ANKRD31: variants seen among roughly 807,000 people sequenced by gnomAD.
ANKRD31 encodes ankyrin repeat domain-containing protein 31.
A neutral mutation model predicts 186.0 loss-of-function variants in ANKRD31; 147 were observed. That is an observed-to-expected ratio of 0.79 (90% confidence interval 0.69 to 0.91). The LOEUF is 0.91. Ranked by LOEUF, ANKRD31 falls within the 40% of genes least tolerant of loss-of-function variation. The pLI is 0.00. For synonymous variants in ANKRD31, 673 were observed against 736.4 expected, an observed-to-expected ratio of 0.91 and a Z score of 1.39; for missense variants, 1,986 against 2,148.8, an observed-to-expected ratio of 0.92 and a Z score of 1.50.
In ANKRD31 at chr5:75,195,720, C is replaced by G. The variant is rs1413840593; in HGVS notation, c.928G>C (p.Gly310Arg). The change falls in exon 7 of 26, where the codon GGA (glycine) becomes CGA (arginine). Residue 310 changes from glycine to arginine, a missense_variant. Physicochemically the swap from Gly to Arg is moderately radical, Grantham distance 125 (BLOSUM62 -2). Transcript: ENST00000506364. The stretch of plus-strand genomic sequence containing the variant: ...TTTCTGGCAATGAGACTGCTACCTC[C>G]CTCTTTTCTGTGACAGATGGTTTCC... Reference protein sequence around the residue: ...KVETICHRKEGGSSLIARNEC... With the variant: ...KVETICHRKERGSSLIARNEC... The G allele has an allele frequency of 1.3e-6, 2 of 1,537,396 alleles. No homozygotes were observed. The highest frequency in any genetic ancestry group is 2.7e-5 in the African/African-American group (2 of 73,016).
At chr5:75,182,989 A>G (rs1423591799) in intron 10 of ANKRD31, among the ~76,000 whole-genome samples, 2 of 152,200 alleles carry the variant, frequency 1.3e-5, no homozygotes, top group Non-Finnish European at 2.9e-5. Flanking sequence ...CCCCTGATGA[A>G]CACAGGGGCA....
chr5:75,123,460 CA>C (rs1436195172), intron 17 of ANKRD31, among the ~76,000 whole-genome samples: 1 of 151,794 alleles, frequency 6.6e-6, no homozygotes, highest in South Asian at 2.1e-4. Context: ...CATATGGAAC[CA>C]AAAAACAGTC....
intron 4 of ANKRD31, among the ~76,000 whole-genome samples, chr5:75,208,179 G>A (rs909444996): frequency 3.3e-5 from 5 of 152,048 alleles, no homozygotes; most frequent in Non-Finnish European, 7.4e-5. Context: ...CATTCAATCT[G>A]TTGCCATATA....
intron 10 of ANKRD31, among the ~76,000 whole-genome samples, chr5:75,178,299 C>G (rs1265682429): frequency 6.6e-6 from 1 of 152,094 alleles, no homozygotes; most frequent in Admixed American, 6.6e-5. Flanking sequence ...ACTTTAACAC[C>G]CCACTGTCAA....
At position 75,133,570 on chromosome 5, in the gene ANKRD31, A is replaced by T. The variant is rs534101471; in HGVS notation, c.3876+4286T>A. Among the ~76,000 whole-genome samples, 19 of 152,346 alleles carry T rather than the reference A, an allele frequency of 1.2e-4. No individual in the cohort carries two copies. The East Asian group carries it at 3.1e-3, about 25-fold the overall frequency. ...GACTCCCACACAATAATAATGGCAG[A>T]CTTTAACACCCCACTGTCAACATTA... On this transcript the variant is annotated intron_variant, in intron 17 of 25. Transcript: ENST00000506364.
intron 16 of ANKRD31, 27 bp from the exon 17 acceptor site, chr5:75,138,025 A>C (rs76200401): frequency 2.1e-6 from 3 of 1,440,272 alleles, no homozygotes; most frequent in Non-Finnish European, 2.7e-6. Flanking sequence ...AAAAAAAAAA[A>C]CCCTGCTTCA....
intron 2 of ANKRD31, among the ~76,000 whole-genome samples, chr5:75,227,818 A>C (rs1049279199): frequency 6.6e-6 from 1 of 152,206 alleles, no homozygotes; most frequent in African/African-American, 2.4e-5. Context: ...GCAAGCCAGC[A>C]TTATCACCTG....
chr5:75,169,643 C>A (rs181321210), intron 10 of ANKRD31, among the ~76,000 whole-genome samples: 5 of 152,276 alleles, frequency 3.3e-5, no homozygotes, highest in Non-Finnish European at 7.4e-5. Flanking sequence ...GGCAAATATT[C>A]TTTTTCTTTG....
intron 1 of ANKRD31, among the ~76,000 whole-genome samples, chr5:75,234,234 C>G (rs985407798): frequency 9.9e-5 from 15 of 152,164 alleles, no homozygotes; most frequent in Non-Finnish European, 2.2e-4. Flanking sequence ...ACATAGAAAG[C>G]TGGAAGAAAA....
At chr5:75,177,306 T>C (rs534232599) in intron 10 of ANKRD31, among the ~76,000 whole-genome samples, 1 of 152,226 alleles carries the variant, frequency 6.6e-6, no homozygotes, top group East Asian at 1.9e-4. Context: ...TGGAAAACAC[T>C]CTGCAGGATA....
chr5:75,175,660 C>CAT, intron 10 of ANKRD31, among the ~76,000 whole-genome samples: 1 of 151,784 alleles, frequency 6.6e-6, no homozygotes, highest in South Asian at 2.1e-4. Context: ...CACACACACA[C>CAT]ACACACACAC....
rs189027784 is a variant in ANKRD31, at chr5:75,200,022, C to T, written c.404-348G>A. The stretch of plus-strand genomic sequence containing the variant: ...ATCTACTTTCTCAGTGTCATTATCT[C>T]TTCTACTACAGGTACTTAGAGCTTA... On this transcript the variant is annotated intron_variant, in intron 5 of 25. Coordinates refer to ENST00000506364, the MANE Select transcript of ANKRD31 (RefSeq NM_001372053.1). Among the ~76,000 whole-genome samples the T allele has an allele frequency of 2.4e-3, 363 of 152,244 alleles. 4 individuals carry two copies. The highest frequency in any genetic ancestry group is 4.2e-3 in the Non-Finnish European group (285 of 68,028).
Position 75,174,929 on chromosome 5 carries a change from T to C in ANKRD31, c.1565-5808A>G, listed in dbSNP as rs557403078. 2.6e-5 allele frequency among the ~76,000 whole-genome samples: 4 copies of C among 152,302 alleles called. No homozygotes were observed. In the East Asian group the frequency reaches 5.8e-4, roughly 22 times the overall value. On this transcript the variant is annotated intron_variant, in intron 10 of 25. Transcript: ENST00000506364. ...ATGCTACTATAAAGACACATGCACA[T>C]GTATGTTTTTTGTGGCACTATTCAC...
Position 75,146,086 on chromosome 5 carries a change from G to A in ANKRD31, c.3325C>T (p.His1109Tyr). ...TCAGTGGAATGAGAATCTATATTGT[G>A]TATAGTCTCACTTTCTAGATGGTTT... ...RQNHLESETI[H>Y]NIDSHSTDNM... Residue 1109 changes from histidine (H) to tyrosine (Y), a missense_variant, in exon 14 of 26, where the codon CAC becomes TAC. By Grantham distance (83) the His-to-Tyr change is moderately conservative. Coordinates refer to ENST00000506364, the MANE Select transcript of ANKRD31 (RefSeq NM_001372053.1). 1 of 1,535,310 alleles carries A rather than the reference G, an allele frequency of 6.5e-7. No homozygotes were observed. The highest frequency in any genetic ancestry group is 8.7e-7 in the Non-Finnish European group (1 of 1,145,748).
chr5:75,223,419 C>T (rs1021925866), intron 2 of ANKRD31, among the ~76,000 whole-genome samples: 3 of 152,000 alleles, frequency 2.0e-5, no homozygotes, highest in African/African-American at 7.2e-5. Flanking sequence ...TTTTTAAATT[C>T]ATTTTAGATT....
intron 17 of ANKRD31, among the ~76,000 whole-genome samples, chr5:75,121,514 C>T (rs1320847245): frequency 6.6e-6 from 1 of 152,128 alleles, no homozygotes; most frequent in East Asian, 1.9e-4. Flanking sequence ...ACCTTCTTCT[C>T]ATCAGCACAT....
intron 11 of ANKRD31, 70 bp from the exon 12 acceptor site, chr5:75,154,415 C>T: frequency 2.3e-6 from 3 of 1,296,208 alleles, no homozygotes; most frequent in Non-Finnish European, 3.0e-6. Flanking sequence ...TGCTAGCAGA[C>T]TACTCTAAGT....
intron 19 of ANKRD31, among the ~76,000 whole-genome samples, chr5:75,114,778 A>T (rs904686070): frequency 9.9e-5 from 15 of 152,208 alleles, no homozygotes; most frequent in African/African-American, 3.6e-4. Context: ...AAATGGAAGA[A>T]CATTCCATGC....
rs1750717955 is a variant in ANKRD31, at chr5:75,137,886, T to G, written c.3846A>C (p.Leu1282Phe). The G allele has an allele frequency of 6.5e-7, 1 of 1,531,878 alleles. No individual in the cohort carries two copies. The highest frequency in any genetic ancestry group is 8.7e-7 in the Non-Finnish European group (1 of 1,144,496). 94.9% of individuals were successfully genotyped at this position (1,531,878 alleles called of 1,614,324 possible). The change falls in exon 17 of 26, where the codon TTA (leucine) becomes TTC (phenylalanine). Residue 1282 changes from leucine (L) to phenylalanine (F), a missense_variant. Physicochemically the swap from Leu to Phe is conservative, Grantham distance 22. Transcript: ENST00000506364. ...AATGATTGTTTGCAACAGCATCATG[T>G]AAGGGCAGAATTCCATCTATATTTT... ...NCENIDGILP[L>F]HDAVANNHLK...
Sources: gnomAD v4.1 joint callset for allele counts (sites outside exome capture counted in the v4.1 genomes callset) on GRCh38, gnomAD v4.1.1 for gene constraint, MANE v1.5 for transcripts, NCBI Gene and HGNC (gene_info 2026-07-23, HGNC 2026-07-21) for gene names.